Variants in ZNF385D observed in about 807,000 individuals in gnomAD.
ZNF385D encodes the protein zinc finger protein 385D.
In ZNF385D, 15 loss-of-function variants were observed where a neutral mutation model predicts 35.8. The ratio of observed to expected loss-of-function variants is 0.42; its 90% CI spans 0.28 to 0.64. The LOEUF (loss-of-function observed/expected upper bound fraction) is 0.64, where lower values mean the gene tolerates loss of function less well. ZNF385D is among the 30% of genes least tolerant of loss of function. The probability of loss-of-function intolerance (pLI) is 0.23; values close to 1 mark genes in which losing one functional copy is unlikely to be tolerated. For missense variants in ZNF385D, 474 were observed against 494.6 expected, an observed-to-expected ratio of 0.96 and a Z score of 0.39; for synonymous variants, 212 against 186.8, an observed-to-expected ratio of 1.13 and a Z score of -1.10.
chr3:22,282,406 T>G (rs1403049495), intron 2 of ZNF385D, among the ~76,000 whole-genome samples: 2 of 152,124 alleles, frequency 1.3e-5, no homozygotes, highest in African/African-American at 4.8e-5. Context: ...TTTTGCTGTT[T>G]CTTAGAGGTT....
chr3:21,424,679 A>G (rs1389914714), intron 6 of ZNF385D, among the ~76,000 whole-genome samples: 2 of 128,080 alleles, frequency 1.6e-5, no homozygotes, highest in Non-Finnish European at 3.1e-5. Context: ...TCTTATCACT[A>G]CACACATCTC....
chr3:22,107,286 G>T (rs1373294829), intron 3 of ZNF385D, among the ~76,000 whole-genome samples: 1 of 151,894 alleles, frequency 6.6e-6, no homozygotes, highest in Non-Finnish European at 1.5e-5. Context: ...GCCTCCCAAA[G>T]TGCTGGGATT....
intron 1 of ZNF385D, 144 bp from the exon 2 acceptor site, chr3:21,665,172 G>A (rs540706895): frequency 1.2e-4 from 126 of 1,062,428 alleles, no homozygotes; most frequent in African/African-American, 1.1e-3. Context: ...ACTGGGAACC[G>A]GCCAATGAGC....
intron 2 of ZNF385D, among the ~76,000 whole-genome samples, chr3:22,308,679 A>G (rs910447652): frequency 1.3e-5 from 2 of 152,060 alleles, no homozygotes; most frequent in African/African-American, 2.4e-5. Flanking sequence ...AGAATTTACT[A>G]AAAGGGGAAC....
chr3:21,738,295 T>C (rs939529251), intron 1 of ZNF385D, among the ~76,000 whole-genome samples: 2 of 152,246 alleles, frequency 1.3e-5, no homozygotes, highest in Non-Finnish European at 2.9e-5. Flanking sequence ...GTCTGTGTTA[T>C]GCAGCCAGAC....
intron 2 of ZNF385D, among the ~76,000 whole-genome samples, chr3:22,364,332 G>A (rs928611940): frequency 2.6e-5 from 4 of 151,788 alleles, no homozygotes; most frequent in African/African-American, 9.7e-5. Context: ...CCACAGACTG[G>A]GAGAAAATAT....
At chr3:21,468,931 A>C (rs1273204999) in intron 4 of ZNF385D, among the ~76,000 whole-genome samples, 5 of 152,198 alleles carry the variant, frequency 3.3e-5, no homozygotes, top group Non-Finnish European at 7.4e-5. Flanking sequence ...CTGTCTAAAA[A>C]AAAAAGAATA....
At chr3:21,654,363 C>G (rs562716516) in intron 2 of ZNF385D, among the ~76,000 whole-genome samples, 61 of 152,180 alleles carry the variant, frequency 4.0e-4, no homozygotes, top group South Asian at 3.1e-3. Context: ...CTTACTTTTA[C>G]TCTACTACTG....
At chr3:22,124,412 T>C (rs1703305943) in intron 3 of ZNF385D, among the ~76,000 whole-genome samples, 1 of 152,178 alleles carries the variant, frequency 6.6e-6, no homozygotes, top group East Asian at 1.9e-4. Context: ...ATCTCTTTGA[T>C]ATACTGATTT....
chr3:22,209,329 T>C (rs1697365705), intron 2 of ZNF385D, among the ~76,000 whole-genome samples: 1 of 151,916 alleles, frequency 6.6e-6, no homozygotes, highest in Non-Finnish European at 1.5e-5. Context: ...ATAAACTTAA[T>C]AGTGGAAAGT....
intron 2 of ZNF385D, among the ~76,000 whole-genome samples, chr3:22,242,113 A>G (rs1699531277): frequency 6.6e-6 from 1 of 150,776 alleles, no homozygotes; most frequent in African/African-American, 2.5e-5. Flanking sequence ...ACTGGGAGAT[A>G]TACCTAATGC....
intron 2 of ZNF385D, among the ~76,000 whole-genome samples, chr3:22,177,820 G>A (rs1006267840): frequency 6.6e-6 from 1 of 152,166 alleles, no homozygotes. Context: ...ACCTATGAGT[G>A]AGAACATACG....
At chr3:21,972,875 A>T (rs1315047867) in intron 3 of ZNF385D, among the ~76,000 whole-genome samples, 2 of 152,012 alleles carry the variant, frequency 1.3e-5, no homozygotes, top group Non-Finnish European at 2.9e-5. Context: ...CCGTGAAGAA[A>T]TCCAAAACCT....
chr3:21,451,002 CT>C (rs971609113), intron 4 of ZNF385D, among the ~76,000 whole-genome samples: 3 of 151,826 alleles, frequency 2.0e-5, no homozygotes, highest in African/African-American at 4.8e-5. Context: ...TGCTTATTAA[CT>C]TTTTTTTCAA....
chr3:21,879,336 C>T (rs1468241348), intron 3 of ZNF385D, among the ~76,000 whole-genome samples: 2 of 151,938 alleles, frequency 1.3e-5, no homozygotes, highest in African/African-American at 2.4e-5. Flanking sequence ...ACATGGGATC[C>T]GTTTATTGCC....
intron 3 of ZNF385D, among the ~76,000 whole-genome samples, chr3:22,121,647 T>C (rs1029268787): frequency 1.3e-5 from 2 of 150,596 alleles, no homozygotes; most frequent in African/African-American, 4.9e-5. Context: ...TTGCAAAACT[T>C]AGGGGAAGTT....
At chr3:21,519,503 C>T (rs981655628) in intron 3 of ZNF385D, among the ~76,000 whole-genome samples, 2 of 152,034 alleles carry the variant, frequency 1.3e-5, no homozygotes, top group Non-Finnish European at 2.9e-5. Context: ...TGAAAGAAAC[C>T]CTTGCTTTTG....
At position 22,223,577 on chromosome 3, in the gene ZNF385D, T is replaced by C. The variant is rs189048399; in HGVS notation, c.107-54542A>G. Among the ~76,000 whole-genome samples, 891 of 152,258 alleles carry C rather than the reference T, an allele frequency of 5.9e-3. 7 individuals carry two copies. Among genetic ancestry groups the C allele is most frequent in the Non-Finnish European group, 7.5e-3 (511 of 67,990 alleles). ...TTGAAAGTATGTGGCAGGGTTCCTA[T>C]TAGCAGAACATAATGTATTTAACAA... On this transcript the variant is annotated intron_variant, in intron 2 of 5. Coordinates refer to the ZNF385D transcript ENST00000494108.
intron 2 of ZNF385D, among the ~76,000 whole-genome samples, chr3:21,614,018 C>T (rs1040529009): frequency 1.3e-5 from 2 of 152,142 alleles, no homozygotes; most frequent in Non-Finnish European, 2.9e-5. Flanking sequence ...TATGTGTGGT[C>T]CCCCAAGGAC....
Sources: gnomAD v4.1 joint callset for allele counts (sites outside exome capture counted in the v4.1 genomes callset) on GRCh38, gnomAD v4.1.1 for gene constraint, MANE v1.5 for transcripts, NCBI Gene and HGNC (gene_info 2026-07-23, HGNC 2026-07-21) for gene names.